Variants in FAM222A observed in about 807,000 individuals in gnomAD.
FAM222A encodes the protein family with sequence similarity 222 member A.
A neutral mutation model predicts 25.8 loss-of-function variants in FAM222A; 7 were observed. That is an observed-to-expected ratio of 0.27 (90% CI 0.15 to 0.51). FAM222A has a LOEUF of 0.51. Ranked by LOEUF, FAM222A falls within the 20% of genes least tolerant of loss-of-function variation. FAM222A has a pLI of 0.97. For synonymous variants in FAM222A, 294 were observed against 298.8 expected (o/e 0.98, Z 0.17); for missense variants, 573 against 640.5 (o/e 0.89, Z 1.14).
intron 1 of FAM222A, among the ~76,000 whole-genome samples, chr12:109,716,005 G>A (rs548672343): frequency 5.8e-4 from 88 of 152,334 alleles, no homozygotes; most frequent in African/African-American, 1.4e-3. Context: ...AAGGTCAGGG[G>A]CCTTGGCCAA....
At chr12:109,739,471 G>C (rs1183990502) in intron 1 of FAM222A, among the ~76,000 whole-genome samples, 1 of 152,204 alleles carries the variant, frequency 6.6e-6, no homozygotes, top group African/African-American at 2.4e-5. Context: ...ATGAATGGGT[G>C]GGTAAGAAGC....
At chr12:109,744,704 C>T (rs1258393182) in intron 2 of FAM222A, 1 of 985,298 alleles carries the variant, frequency 1.0e-6, no homozygotes, top group African/African-American at 1.7e-5. Context: ...GGTCTGTTCT[C>T]ACTATCTAGG....
intron 1 of FAM222A, among the ~76,000 whole-genome samples, chr12:109,724,127 A>G (rs1254353492): frequency 6.6e-6 from 1 of 152,188 alleles, no homozygotes; most frequent in Non-Finnish European, 1.5e-5. Flanking sequence ...TTGAGATCTG[A>G]CTGCAGAGAG....
chr12:109,723,689 A>T (rs540745790), intron 1 of FAM222A, among the ~76,000 whole-genome samples: 2 of 152,282 alleles, frequency 1.3e-5, no homozygotes, highest in African/African-American at 4.8e-5. Flanking sequence ...CCGGAGAGGG[A>T]GCTGGCAGGG....
At chr12:109,718,542 A>G (rs1887689294) in intron 1 of FAM222A, among the ~76,000 whole-genome samples, 1 of 152,186 alleles carries the variant, frequency 6.6e-6, no homozygotes, top group East Asian at 1.9e-4. Flanking sequence ...GGGCCGCTTT[A>G]TTACCTCCCG....
intron 2 of FAM222A, among the ~76,000 whole-genome samples, chr12:109,766,802 G>A (rs189709262): frequency 5.3e-5 from 8 of 152,224 alleles, no homozygotes; most frequent in South Asian, 4.1e-4. Context: ...TCCCGAAGCC[G>A]GGCAGGGGCA....
chr12:109,752,759 C>A (rs528647126), intron 2 of FAM222A, among the ~76,000 whole-genome samples: 35 of 152,332 alleles, frequency 2.3e-4, no homozygotes, highest in African/African-American at 8.4e-4. Flanking sequence ...ACCCCTGTCT[C>A]CCTTTTCCTG....
intron 1 of FAM222A, among the ~76,000 whole-genome samples, chr12:109,719,464 G>A (rs1046182040): frequency 6.6e-6 from 1 of 152,202 alleles, no homozygotes; most frequent in Non-Finnish European, 1.5e-5. Flanking sequence ...CCTGTCGCCC[G>A]TGTCCCAGTG....
At chr12:109,722,332 C>T (rs1300819665) in intron 1 of FAM222A, among the ~76,000 whole-genome samples, 4 of 152,204 alleles carry the variant, frequency 2.6e-5, no homozygotes, top group Non-Finnish European at 4.4e-5. Flanking sequence ...AGCAGAGTAA[C>T]AGTGAGGTCC....
At chr12:109,766,404 G>A (rs1488557934) in intron 2 of FAM222A, among the ~76,000 whole-genome samples, 7 of 152,250 alleles carry the variant, frequency 4.6e-5, no homozygotes, top group Non-Finnish European at 1.0e-4. Context: ...CTGTAGCACA[G>A]AGCGTACCCT....
chr12:109,769,000 C>T lies in FAM222A; in HGVS notation c.1071C>T (p.Thr357=), dbSNP rs769980524. Residue 357 remains threonine (T), a synonymous_variant, in exon 3 of 3, where the codon ACC becomes ACT. Coordinates refer to ENST00000538780, the MANE Select transcript of FAM222A (RefSeq NM_032829.3). The part of the protein sequence containing the change: ...APWNSVLVTP[T]SDCYNPAAAV... ...GGAACAGTGTGCTGGTGACACCCAC[C>T]AGCGACTGCTACAACCCAGCGGCGG... The T allele has an allele frequency of 1.0e-5, 16 of 1,576,654 alleles. No homozygotes were observed. The Admixed American group carries it at 2.9e-4, about 29-fold the overall frequency.
In FAM222A at chr12:109,754,666, C is replaced by CT. The variant is rs35822126; in HGVS notation, c.82+10453dup. 6.5e-3 allele frequency among the ~76,000 whole-genome samples: 938 copies of CT among 143,512 alleles called. 3 individuals carry two copies. The highest frequency in any genetic ancestry group is 0.025 in the Middle Eastern group (7 of 276). The allele number at this position is 143,512 out of a possible 152,430, so 94.1% of individuals were successfully genotyped here. A position where few individuals can be genotyped will look rare whatever the true frequency, so the allele number is the denominator to read the frequency against. ...GGCCCACAGGCAGTAGTTTGGGACT[C>CT]TTTTTTTTTTTTTTTCTTTGAAACA... On this transcript the variant is annotated intron_variant, in intron 2 of 2. Coordinates refer to ENST00000538780, the MANE Select transcript of FAM222A (RefSeq NM_032829.3).
intron 2 of FAM222A, among the ~76,000 whole-genome samples, chr12:109,751,714 G>GCTGA: frequency 6.6e-6 from 1 of 152,328 alleles, no homozygotes; most frequent in East Asian, 1.9e-4. Context: ...CCTGTCACCA[G>GCTGA]CTGACAAACC....
intron 2 of FAM222A, among the ~76,000 whole-genome samples, chr12:109,748,290 T>A (rs1172374089): frequency 1.3e-5 from 2 of 151,830 alleles, no homozygotes; most frequent in African/African-American, 4.8e-5. Context: ...TATTTAGGAT[T>A]TTTGCCTCAG....
intron 2 of FAM222A, among the ~76,000 whole-genome samples, chr12:109,749,898 C>G (rs1305265023): frequency 6.6e-6 from 1 of 152,158 alleles, no homozygotes; most frequent in East Asian, 1.9e-4. Context: ...TCACATTTTT[C>G]TTAAAACCTT....
At chr12:109,760,379 TGA>T (rs1470258027) in intron 2 of FAM222A, among the ~76,000 whole-genome samples, 2 of 151,998 alleles carry the variant, frequency 1.3e-5, no homozygotes, top group Non-Finnish European at 2.9e-5. Context: ...CACATCAGTG[TGA>T]GAGAATGGGC....
At chr12:109,726,024 A>G (rs1322505780) in intron 1 of FAM222A, among the ~76,000 whole-genome samples, 1 of 150,426 alleles carries the variant, frequency 6.6e-6, no homozygotes, top group African/African-American at 2.4e-5. Flanking sequence ...GGGGTCAGCC[A>G]GGGAGATGGG....
intron 2 of FAM222A, among the ~76,000 whole-genome samples, chr12:109,757,236 G>A (rs1041363313): frequency 6.6e-6 from 1 of 152,218 alleles, no homozygotes; most frequent in African/African-American, 2.4e-5. Context: ...AAGAAATTCA[G>A]TCCCTACATC....
intron 2 of FAM222A, among the ~76,000 whole-genome samples, chr12:109,761,250 C>A (rs1218567273): frequency 6.6e-6 from 1 of 152,074 alleles, no homozygotes; most frequent in Non-Finnish European, 1.5e-5. Flanking sequence ...CCCCCCCAGG[C>A]CTCTGTGCTC....
Sources: gnomAD v4.1 joint callset for allele counts (sites outside exome capture counted in the v4.1 genomes callset) on GRCh38, gnomAD v4.1.1 for gene constraint, MANE v1.5 for transcripts, NCBI Gene and HGNC (gene_info 2026-07-23, HGNC 2026-07-21) for gene names.